Variants in NPHP1 observed in about 807,000 individuals in gnomAD.
NPHP1 encodes nephrocystin 1.
Under a neutral mutation model 90.4 loss-of-function variants are expected in NPHP1, and 70 were observed. The observed-to-expected ratio is 0.77, with a 90% CI of 0.64 to 0.95. NPHP1 has a LOEUF of 0.95. NPHP1 is among the 40% of genes least tolerant of loss of function. The pLI is 0.00. For synonymous variants in NPHP1, 256 were observed against 271.7 expected (o/e 0.94, Z 0.57); for missense variants, 764 against 795.9 (o/e 0.96, Z 0.48).
chr2:110,138,854 C>G (rs2104462795), intron 16 of NPHP1, among the ~76,000 whole-genome samples: 1 of 152,184 alleles, frequency 6.6e-6, no homozygotes, highest in Admixed American at 6.5e-5. Flanking sequence ...AGGCATTGGT[C>G]CACCCAGTGT....
chr2:110,145,613 C>G (rs1364098704), intron 14 of NPHP1, among the ~76,000 whole-genome samples: 1 of 152,008 alleles, frequency 6.6e-6, no homozygotes, highest in African/African-American at 2.4e-5. Context: ...TTTTAATGAA[C>G]AAAAGTGGAG....
intron 2 of NPHP1, among the ~76,000 whole-genome samples, chr2:110,181,859 T>G (rs1317752961): frequency 6.6e-6 from 1 of 152,138 alleles, no homozygotes; most frequent in Non-Finnish European, 1.5e-5. Flanking sequence ...AAGGAGTATG[T>G]TGAAACCCAC....
At chr2:110,184,965 A>G (rs2104640320) in intron 2 of NPHP1, 1 of 650,908 alleles carries the variant, frequency 1.5e-6, no homozygotes, top group East Asian at 3.8e-5. Flanking sequence ...CTTTTCTCCA[A>G]CATCGTCCTC....
At chr2:110,132,461 C>A (rs755912374) in intron 16 of NPHP1, among the ~76,000 whole-genome samples, 1 of 152,102 alleles carries the variant, frequency 6.6e-6, no homozygotes, top group Non-Finnish European at 1.5e-5. Flanking sequence ...TTGAGACCAG[C>A]CTGGCCAACA....
chr2:110,124,308 G>T, intron 19 of NPHP1: 1 of 574,356 alleles, frequency 1.7e-6, no homozygotes, highest in Middle Eastern at 4.7e-4. Flanking sequence ...TGAGACCAGG[G>T]TGTCTCCTAA....
chr2:110,138,460 T>C (rs17842060), intron 16 of NPHP1, among the ~76,000 whole-genome samples: 6,510 of 152,194 alleles, frequency 0.043, 458 homozygotes, highest in African/African-American at 0.15. Flanking sequence ...GGTCAGAAAC[T>C]GTCTTTTTTA....
intron 18 of NPHP1, chr2:110,127,912 G>A (rs1274465964): frequency 6.6e-6 from 1 of 152,098 alleles, no homozygotes; most frequent in African/African-American, 2.4e-5. Flanking sequence ...TGAAATCTTT[G>A]TTGAAGAATC....
At chr2:110,134,392 G>A (rs571980150) in intron 16 of NPHP1, among the ~76,000 whole-genome samples, 2 of 151,920 alleles carry the variant, frequency 1.3e-5, no homozygotes, top group South Asian at 2.1e-4. Context: ...TGGCTTCACT[G>A]GAGAATTCTA....
At chr2:110,198,432 T>C (rs1685314070) in intron 2 of NPHP1, among the ~76,000 whole-genome samples, 1 of 152,156 alleles carries the variant, frequency 6.6e-6, no homozygotes, top group South Asian at 2.1e-4. Context: ...TAAAGCAATC[T>C]AAGGTCTTTA....
intron 2 of NPHP1, among the ~76,000 whole-genome samples, chr2:110,194,818 T>G (rs1284442975): frequency 6.6e-6 from 1 of 152,118 alleles, no homozygotes; most frequent in Non-Finnish European, 1.5e-5. Context: ...CATGATCAAG[T>G]GGGCTTCATC....
At chr2:110,160,652 AT>A (rs1682243848) in intron 10 of NPHP1, among the ~76,000 whole-genome samples, 1 of 152,146 alleles carries the variant, frequency 6.6e-6, no homozygotes, top group Admixed American at 6.6e-5. Flanking sequence ...TATCCCCACT[AT>A]TTTTTATTCC....
intron 9 of NPHP1, among the ~76,000 whole-genome samples, chr2:110,162,808 A>C (rs775617492): frequency 3.9e-5 from 6 of 152,054 alleles, no homozygotes; most frequent in Admixed American, 2.0e-4. Flanking sequence ...AAATTAAAGG[A>C]GTCACATTTT....
intron 2 of NPHP1, among the ~76,000 whole-genome samples, chr2:110,195,151 T>C (rs1044550909): frequency 2.6e-5 from 4 of 152,204 alleles, no homozygotes; most frequent in South Asian, 2.1e-4. Flanking sequence ...TTGGAAGTTC[T>C]GGCCAGGGCA....
intron 18 of NPHP1, 78 bp from the exon 19 acceptor site, chr2:110,125,759 A>C: frequency 8.5e-7 from 1 of 1,178,352 alleles, no homozygotes; most frequent in Non-Finnish European, 1.3e-6. Flanking sequence ...TTACTCTGTA[A>C]ATAAACTTAT....
chr2:110,164,282 C>G, intron 8 of NPHP1: 1 of 530,288 alleles, frequency 1.9e-6, no homozygotes, highest in South Asian at 2.1e-5. Flanking sequence ...AGTGATCCTC[C>G]TGCTTCAGCT....
intron 6 of NPHP1, among the ~76,000 whole-genome samples, chr2:110,168,065 A>G (rs191050264): frequency 4.6e-5 from 7 of 152,342 alleles, no homozygotes. Flanking sequence ...ATGAAATAAG[A>G]AAATACAAGC....
intron 1 of NPHP1, among the ~76,000 whole-genome samples, chr2:110,203,067 T>C (rs1314850541): frequency 2.6e-5 from 4 of 152,136 alleles, no homozygotes; most frequent in Admixed American, 6.5e-5. Context: ...GTGGTACATA[T>C]ACACCATGAA....
intron 2 of NPHP1, among the ~76,000 whole-genome samples, chr2:110,194,340 A>G (rs1316600006): frequency 6.6e-6 from 1 of 152,202 alleles, no homozygotes; most frequent in African/African-American, 2.4e-5. Context: ...CACCGATCCC[A>G]CAGAAATACC....
At chr2:110,200,160 C>T (rs1472307300) in intron 2 of NPHP1, among the ~76,000 whole-genome samples, 2 of 152,098 alleles carry the variant, frequency 1.3e-5, no homozygotes, top group African/African-American at 4.8e-5. Context: ...GAGGCTGAGG[C>T]AGGAGAATCG....
Sources: allele counts gnomAD v4.1 joint callset (sites outside exome capture counted in the v4.1 genomes callset), GRCh38; gene constraint gnomAD v4.1.1; transcripts MANE v1.5; gene names NCBI Gene and HGNC (gene_info 2026-07-23, HGNC 2026-07-21).